CFAP299: variants seen among roughly 807,000 people sequenced by gnomAD.
CFAP299 encodes the protein cilia and flagella associated protein 299.
Under a neutral mutation model 27.0 loss-of-function variants are expected in CFAP299, and 21 were observed. The ratio of observed to expected loss-of-function variants is 0.78; its 90% CI spans 0.55 to 1.12. The LOEUF is 1.12. Ranked by LOEUF, CFAP299 falls within the 50% of genes most tolerant of loss-of-function variation. The pLI, the probability that CFAP299 is intolerant of heterozygous loss-of-function variation, is 0.00. For missense variants in CFAP299, 310 were observed against 276.6 expected (o/e 1.12, Z -0.86); for synonymous variants, 104 against 98.1 (o/e 1.06, Z -0.36).
intron 3 of CFAP299, among the ~76,000 whole-genome samples, chr4:80,858,498 G>A (rs1254958985): frequency 6.6e-6 from 1 of 152,100 alleles, no homozygotes; most frequent in Non-Finnish European, 1.5e-5. Context: ...TAATTGTGAT[G>A]TTGGGGTGTC....
intron 2 of CFAP299, among the ~76,000 whole-genome samples, chr4:80,536,505 C>T (rs1445898037): frequency 6.6e-6 from 1 of 152,014 alleles, no homozygotes; most frequent in Non-Finnish European, 1.5e-5. Flanking sequence ...ATGATGCTAC[C>T]ATAAAAACAG....
intron 3 of CFAP299, among the ~76,000 whole-genome samples, chr4:80,824,383 A>G (rs1729870407): frequency 6.6e-6 from 1 of 152,128 alleles, no homozygotes; most frequent in Non-Finnish European, 1.5e-5. Context: ...GGGCAAAAAG[A>G]ACCTTGTTCT....
At chr4:80,680,865 G>A (rs191857675) in intron 3 of CFAP299, among the ~76,000 whole-genome samples, 56 of 152,262 alleles carry the variant, frequency 3.7e-4, no homozygotes, top group African/African-American at 1.3e-3. Context: ...TAAAAGAGAA[G>A]CCTGCCCCTT....
At chr4:80,392,622 C>T (rs995333531) in intron 2 of CFAP299, among the ~76,000 whole-genome samples, 1 of 152,132 alleles carries the variant, frequency 6.6e-6, no homozygotes, top group East Asian at 1.9e-4. Context: ...GCTTCCCCTT[C>T]TGCCATGATT....
chr4:80,448,336 A>C (rs1295527186), intron 2 of CFAP299, among the ~76,000 whole-genome samples: 1 of 152,230 alleles, frequency 6.6e-6, no homozygotes, highest in African/African-American at 2.4e-5. Context: ...TCATCTGATC[A>C]CAAACTATAA....
chr4:80,889,011 C>CAAAAAAAAAAAA (rs35328435), intron 4 of CFAP299, among the ~76,000 whole-genome samples: 4 of 52,710 alleles, frequency 7.6e-5, no homozygotes, highest in African/African-American at 2.7e-4. Context: ...AGTGCCTAAG[C>CAAAAAAAAAAAA]AAAAAAAAAA....
At chr4:80,898,445 AC>A (rs1367065613) in intron 4 of CFAP299, among the ~76,000 whole-genome samples, 1 of 151,850 alleles carries the variant, frequency 6.6e-6, no homozygotes, top group Non-Finnish European at 1.5e-5. Context: ...TGCCAGCTGA[AC>A]CTGGGGTTTT....
chr4:80,840,299 T>C (rs558448324), intron 3 of CFAP299, among the ~76,000 whole-genome samples: 2 of 152,230 alleles, frequency 1.3e-5, no homozygotes, highest in African/African-American at 4.8e-5. Flanking sequence ...CAAAAGTGTT[T>C]ACCATGATGA....
At chr4:80,619,482 A>C (rs1168366004) in intron 3 of CFAP299, among the ~76,000 whole-genome samples, 3 of 152,126 alleles carry the variant, frequency 2.0e-5, no homozygotes, top group Non-Finnish European at 4.4e-5. Flanking sequence ...TCACTACTGA[A>C]AGAAGAAACC....
intron 3 of CFAP299, among the ~76,000 whole-genome samples, chr4:80,670,589 G>A (rs1258006948): frequency 3.9e-5 from 6 of 152,178 alleles, no homozygotes; most frequent in Non-Finnish European, 7.3e-5. Context: ...GGTTGAACTA[G>A]TGTACACTCC....
In CFAP299 at chr4:80,553,472, G is replaced by A. The variant is rs569946546; in HGVS notation, c.243-29621G>A. On this transcript the variant is annotated intron_variant, in intron 2 of 5. Coordinates refer to ENST00000358105, the MANE Select transcript of CFAP299 (RefSeq NM_152770.3). ...ATAGTGCTGCAGTAAAAACACTGTCGTGTGTGTGTCTCTATGGTAGAATGA... is the reference window on the plus strand; with the variant it reads ...ATAGTGCTGCAGTAAAAACACTGTCATGTGTGTGTCTCTATGGTAGAATGA... 7.2e-5 allele frequency among the ~76,000 whole-genome samples: 11 copies of A among 152,288 alleles called. No individual in the cohort carries two copies. The South Asian group carries it at 1.7e-3, about 23-fold the overall frequency.
rs1491586559 is a variant in CFAP299, at chr4:80,799,809, A to ATATATCATAT, written c.334-70184_334-70183insTATATCATAT. ...TTATATATTATATTATATAATATATAAATATATATATTATATATATTTATA... is the reference window on the plus strand; with the variant it reads ...TTATATATTATATTATATAATATATATATATCATATAATATATATATTATATATATTTATA... On this transcript the variant is annotated intron_variant, in intron 3 of 5. Coordinates refer to ENST00000358105, the MANE Select transcript of CFAP299 (RefSeq NM_152770.3). 1.2e-3 allele frequency among the ~76,000 whole-genome samples: 29 copies of ATATATCATAT among 24,088 alleles called. 2 individuals are homozygous for ATATATCATAT. In the African/African-American group the frequency reaches 0.015, roughly 12 times the overall value. The allele number at this position is 24,088 out of a possible 152,430, so 15.8% of individuals were successfully genotyped here.
At chr4:80,933,415 T>A (rs1236467857) in intron 4 of CFAP299, among the ~76,000 whole-genome samples, 1 of 152,118 alleles carries the variant, frequency 6.6e-6, no homozygotes, top group African/African-American at 2.4e-5. Context: ...TCTGTCGGGC[T>A]TTTTTCACTT....
chr4:80,538,340 G>A (rs1042578067), intron 2 of CFAP299, among the ~76,000 whole-genome samples: 1 of 151,754 alleles, frequency 6.6e-6, no homozygotes, highest in African/African-American at 2.4e-5. Context: ...AAGTTAAAAA[G>A]TTATAGCAAG....
intron 3 of CFAP299, among the ~76,000 whole-genome samples, chr4:80,671,362 T>C (rs147637783): frequency 0.069 from 10,502 of 152,262 alleles, 814 homozygotes; most frequent in African/African-American, 0.18. Context: ...TCTGTTTTGG[T>C]ACCAGTACCA....
intron 3 of CFAP299, among the ~76,000 whole-genome samples, chr4:80,694,543 G>A (rs1720966290): frequency 6.6e-6 from 1 of 152,152 alleles, no homozygotes; most frequent in African/African-American, 2.4e-5. Flanking sequence ...TGCAGTAACA[G>A]GTATGCAGAA....
chr4:80,839,345 T>G (rs954392727), intron 3 of CFAP299, among the ~76,000 whole-genome samples: 1 of 152,166 alleles, frequency 6.6e-6, no homozygotes, highest in African/African-American at 2.4e-5. Context: ...AAACACTTAC[T>G]ATGTATTATT....
intron 3 of CFAP299, among the ~76,000 whole-genome samples, chr4:80,584,078 C>A (rs1278696898): frequency 2.6e-5 from 4 of 151,838 alleles, no homozygotes; most frequent in Non-Finnish European, 4.4e-5. Flanking sequence ...ATAGAATTAA[C>A]CCCGACTTAA....
chr4:80,864,718 T>A (rs1732616710), intron 3 of CFAP299, among the ~76,000 whole-genome samples: 1 of 151,622 alleles, frequency 6.6e-6, no homozygotes, highest in Non-Finnish European at 1.5e-5. Context: ...CATTTCCATA[T>A]CCCCTAAGGA....
Sources: gnomAD v4.1 joint callset for allele counts (sites outside exome capture counted in the v4.1 genomes callset) on GRCh38, gnomAD v4.1.1 for gene constraint, MANE v1.5 for transcripts, NCBI Gene and HGNC (gene_info 2026-07-23, HGNC 2026-07-21) for gene names.